The following DAPK3 variants were observed in gnomAD, a reference collection of about 807,000 sequenced individuals.
DAPK3 encodes death-associated protein kinase 3.
DAPK3 carries 24 observed loss-of-function variants against 30.6 expected under a neutral mutation model. The ratio of observed to expected loss-of-function variants is 0.78; its 90% CI spans 0.57 to 1.10. The LOEUF is 1.10. DAPK3 is among the 50% of genes least tolerant of loss of function. DAPK3 has a pLI of 0.00. For synonymous variants in DAPK3, 341 were observed against 284.0 expected (o/e 1.20, Z -2.02); for missense variants, 629 against 657.3 (o/e 0.96, Z 0.47).
chr19:3,969,546 C>G (rs866431144), intron 2 of DAPK3, 128 bp downstream of exon 2: 1 of 582,214 alleles, frequency 1.7e-6, no homozygotes. Context: ...GTTCCCCCAC[C>G]GCATGATACT....
chr19:3,961,542 G>A (rs1220856016), intron 6 of DAPK3: 1 of 498,618 alleles, frequency 2.0e-6, no homozygotes, highest in Non-Finnish European at 4.1e-6. Flanking sequence ...CCGGCAGTGA[G>A]AGGCCCCAAC....
At chr19:3,964,607 C>G in intron 3 of DAPK3, 24 bp downstream of exon 3, 1 of 1,588,744 alleles carries the variant, frequency 6.3e-7, no homozygotes, top group African/African-American at 1.4e-5. Flanking sequence ...CCAGGCCGGC[C>G]CCACAGGGCC....
rs112514343 is a variant in DAPK3 at position 3,960,113 on chromosome 19, C to T, written c.783-9G>A. ...CAATGGTCATTCTCCGCCTGGAAGA[C>T]CCCCGCTCTGGTTAGGTACACCTGC... On this transcript the variant is annotated splice_polypyrimidine_tract_variant and intron_variant, in intron 7 of 8. Transcript: ENST00000545797. 2.0e-6 allele frequency: 3 copies of T among 1,514,964 alleles called. No homozygotes were observed. The highest frequency in any genetic ancestry group is 2.8e-6 in the Non-Finnish European group (3 of 1,090,074). 93.8% of individuals were successfully genotyped at this position (1,514,964 alleles called of 1,614,324 possible).
At chr19:3,965,197 G>A (rs541495712) in intron 2 of DAPK3, among the ~76,000 whole-genome samples, 7 of 152,326 alleles carry the variant, frequency 4.6e-5, no homozygotes, top group African/African-American at 1.7e-4. Flanking sequence ...CAGACGCGGC[G>A]TTCCCACCCC....
rs755158207 is a variant in DAPK3, at chr19:3,959,068, G to A, written c.*33C>T. 1.4e-6 allele frequency: 2 copies of A among 1,399,298 alleles called. No individual in the cohort carries two copies. The highest frequency in any genetic ancestry group is 9.4e-7 in the Non-Finnish European group (1 of 1,061,620). 86.7% of individuals were successfully genotyped at this position (1,399,298 alleles called of 1,614,324 possible). ...GCGCCCCCACCGCAGGCCGAGCTCCGGCTGTCCTGGGGCCTGGCCCACCCC... is the reference window on the plus strand; with the variant it reads ...GCGCCCCCACCGCAGGCCGAGCTCCAGCTGTCCTGGGGCCTGGCCCACCCC... On this transcript the variant is annotated 3_prime_UTR_variant, in exon 9 of 9. Coordinates refer to ENST00000545797, the MANE Select transcript of DAPK3 (RefSeq NM_001348.3).
Position 3,959,630 on chromosome 19 carries a change from C to G in DAPK3, c.836G>C (p.Arg279Pro). ...SLEHSWIKAIRRRNVRGEDSG... is the reference protein window; with the variant it reads ...SLEHSWIKAIPRRNVRGEDSG... ...GTCCTCACCACGCACGTTCCGCCGCCGGATCGCCTAGGAAGGAGGGAAGCC... is the reference window on the plus strand; with the variant it reads ...GTCCTCACCACGCACGTTCCGCCGCGGGATCGCCTAGGAAGGAGGGAAGCC... The change falls in exon 9 of 9, where the codon CGG (arginine) becomes CCG (proline). Residue 279 changes from arginine to proline, a missense_variant. Transcript: ENST00000545797. 6.3e-7 allele frequency: 1 copy of G among 1,578,646 alleles called. No individual in the cohort carries two copies. The highest frequency in any genetic ancestry group is 8.6e-7 in the Non-Finnish European group (1 of 1,169,106).
rs778633982 is a variant in DAPK3, at chr19:3,964,311, G to C, written c.486C>G (p.Phe162Leu). The C allele has an allele frequency of 1.2e-6, 2 of 1,613,226 alleles. No homozygotes were observed. Among genetic ancestry groups the C allele is most frequent in the South Asian group, 1.1e-5 (1 of 91,076 alleles). The change falls in exon 4 of 9, where the codon TTC becomes TTG. Residue 162 changes from phenylalanine (F) to leucine (L), a missense_variant. Physicochemically the swap from Phe to Leu is conservative, Grantham distance 22. Coordinates refer to ENST00000545797, the MANE Select transcript of DAPK3 (RefSeq NM_001348.3). ...CCGCCTCGATCTTGTGCGCGATGCC[G>C]AAGTCGATGAGCTTGATTCGTGGGT... The part of the protein sequence containing the change: ...VPNPRIKLID[F>L]GIAHKIEAGN...
intron 6 of DAPK3, among the ~76,000 whole-genome samples, chr19:3,963,437 TGTGA>T (rs1376983770): frequency 8.8e-6 from 1 of 114,274 alleles, no homozygotes; most frequent in Admixed American, 1.1e-4. Context: ...TCAGCCGCTC[TGTGA>T]GTGTCCTGCC....
rs1396112315 is a variant in DAPK3, at chr19:3,959,374, C to T, written c.1092G>A (p.Glu364=). 7 of 1,579,172 alleles carry T rather than the reference C, an allele frequency of 4.4e-6. No individual in the cohort carries two copies. Among genetic ancestry groups the T allele is most frequent in the Non-Finnish European group, 6.0e-6 (7 of 1,170,284 alleles). Residue 364 remains glutamate (E), a synonymous_variant, in exon 9 of 9, where the codon GAG becomes GAA. Transcript: ENST00000545797. ...TGTCGCTCTCCTCGCGGTACCAGGC[C>T]TCCTTCTCCTCGTAGATGGCGGCCA... ...EALAAIYEEK[E]AWYREESDSL... is the part of the protein sequence containing the mutation.
chr19:3,964,625 G>A lies in DAPK3; in HGVS notation c.423+6C>T, dbSNP rs781593968. ...GGCCGGCCCCACAGGGCCCTACAGG[G>A]CTCACCTTCAGGTCAAAGTGTGCGA... On this transcript the variant is annotated splice_donor_region_variant and intron_variant, in intron 3 of 8. Coordinates refer to ENST00000545797, the MANE Select transcript of DAPK3 (RefSeq NM_001348.3). The A allele has an allele frequency of 3.1e-6, 5 of 1,604,858 alleles. No homozygotes were observed. In the East Asian group the frequency reaches 9.0e-5, roughly 29 times the overall value.
Position 3,959,131 on chromosome 19 carries a change from C to A in DAPK3, c.1335G>T (p.Lys445Asn). The change falls in exon 9 of 9, where the codon AAG becomes AAT. Residue 445 changes from lysine (K) to asparagine (N), a missense_variant. Physicochemically the swap from Lys to Asn is moderately conservative, Grantham distance 94 (BLOSUM62 0). Around this residue, in one of 2 missense-constraint regions of DAPK3, gnomAD observed 323 missense variants for 278.8 expected, o/e 1.16. Transcript: ENST00000545797. The stretch of plus-strand genomic sequence containing the variant: ...GCAGCCCGCACTCCACGCCCTGCAG[C>A]TTCTCCTGCTCCAGGGCGCGCACGA... ...QDLVRALEQE[K>N]LQGVECGLR 1 of 1,575,610 alleles carries A rather than the reference C, an allele frequency of 6.3e-7. No individual in the cohort carries two copies. Among genetic ancestry groups the A allele is most frequent in the Non-Finnish European group, 8.6e-7 (1 of 1,165,146 alleles).
intron 6 of DAPK3, 191 bp from the exon 7 acceptor site, chr19:3,961,352 A>AC (rs939832624): frequency 1.2e-4 from 81 of 698,774 alleles, no homozygotes; most frequent in African/African-American, 1.1e-3. Flanking sequence ...TTCAAAATCC[A>AC]CCCCCCCACC....
chr19:3,969,714 C>A lies in DAPK3; in HGVS notation c.22G>T (p.Asp8Tyr). The change falls in exon 2 of 9, where the codon GAC becomes TAC. Residue 8 changes from aspartate to tyrosine, a missense_variant. Physicochemically the swap from Asp to Tyr is radical, Grantham distance 160. Transcript: ENST00000545797. MSTFRQEDVEDHYEMGEE... is the reference protein window; with the variant it reads MSTFRQEYVEDHYEMGEE... ...CCCATCTCATAATGGTCCTCCACGT[C>A]CTCCTGCCTGAACGTGGACATGGCG... 1 of 1,612,450 alleles carries A rather than the reference C, an allele frequency of 6.2e-7. No homozygotes were observed. Among genetic ancestry groups the A allele is most frequent in the Non-Finnish European group, 8.5e-7 (1 of 1,179,232 alleles).
chr19:3,965,150 C>T (rs2039564458), intron 2 of DAPK3, among the ~76,000 whole-genome samples, 159 bp from the exon 3 acceptor site: 1 of 152,192 alleles, frequency 6.6e-6, no homozygotes, highest in Admixed American at 6.5e-5. Context: ...AGACTCTGCG[C>T]CTTCTCAGAG....
intron 2 of DAPK3, among the ~76,000 whole-genome samples, chr19:3,965,223 C>T (rs1031928538): frequency 2.6e-5 from 4 of 152,224 alleles, no homozygotes; most frequent in Non-Finnish European, 1.5e-5. Flanking sequence ...GGGCTATGCC[C>T]AGCAGGTGTG....
rs369030258 is a variant in DAPK3, at chr19:3,965,036, G to A, written c.63-45C>T. On this transcript the variant is annotated intron_variant, in intron 2 of 8. Coordinates refer to ENST00000545797, the MANE Select transcript of DAPK3 (RefSeq NM_001348.3). ...TGAGTGGGGGTGGAGGAGGCGGAGG[G>A]AGTAAGTGGGGGTGGCTGGCTCCCC... The A allele has an allele frequency of 9.2e-5, 98 of 1,065,776 alleles. No homozygotes were observed. In the Admixed American group the frequency reaches 1.1e-3, roughly 12 times the overall value. The allele number at this position is 1,065,776 out of a possible 1,614,324, so 66.0% of individuals were successfully genotyped here. A position where few individuals can be genotyped will look rare whatever the true frequency, so the allele number is the denominator to read the frequency against.
chr19:3,970,370 C>G (rs1356368044), intron 1 of DAPK3, among the ~76,000 whole-genome samples: 5 of 152,108 alleles, frequency 3.3e-5, no homozygotes, highest in Admixed American at 3.3e-4. Context: ...CTCAAGCGAT[C>G]GTCCCAGGCC....
At chr19:3,970,685 G>T (rs1654584) in intron 1 of DAPK3, 118,724 of 151,174 alleles carry the variant, frequency 0.79, 46,811 homozygotes, top group East Asian at 0.96. Context: ...AAAACGGGCC[G>T]CCAAAAAGGG....
At chr19:3,961,187 T>G in intron 6 of DAPK3, 26 bp from the exon 7 acceptor site, 3 of 1,596,610 alleles carry the variant, frequency 1.9e-6, no homozygotes, top group Non-Finnish European at 2.6e-6. Context: ...GGGGGCTCAG[T>G]GGGGTCCTGG....
Sources: allele counts gnomAD v4.1 joint callset (sites outside exome capture counted in the v4.1 genomes callset), GRCh38; gene constraint gnomAD v4.1.1; regional missense constraint gnomAD v4.1.1; transcripts MANE v1.5; gene names NCBI Gene and HGNC (gene_info 2026-07-23, HGNC 2026-07-21).